The following NFIA variants were observed in gnomAD, a reference collection of about 807,000 sequenced individuals.
The protein encoded by NFIA is nuclear factor I A.
In NFIA, 8 loss-of-function variants were observed where a neutral mutation model predicts 62.8. The observed-to-expected ratio is 0.13, with a 90% CI of 0.07 to 0.23. The LOEUF (loss-of-function observed/expected upper bound fraction) is 0.23. Ranked by LOEUF, NFIA falls within the 10% of genes least tolerant of loss-of-function variation. NFIA has a pLI of 1.00. For synonymous variants in NFIA, 235 were observed against 238.1 expected, an observed-to-expected ratio of 0.99 and a Z score of 0.12; for missense variants, 410 against 642.1, an observed-to-expected ratio of 0.64 and a Z score of 3.91.
chr1:61,451,720 T>C (rs897656025), intron 10 of NFIA, among the ~76,000 whole-genome samples: 2 of 152,196 alleles, frequency 1.3e-5, no homozygotes, highest in Admixed American at 1.3e-4. Flanking sequence ...GTTTACTTAA[T>C]GTAAATGTAT....
chr1:61,203,980 G>A (rs1570374258), intron 2 of NFIA, among the ~76,000 whole-genome samples: 1 of 152,220 alleles, frequency 6.6e-6, no homozygotes, highest in Admixed American at 6.5e-5. Context: ...ATGAGCTGTA[G>A]TTGGTGAATA....
intron 3 of NFIA, among the ~76,000 whole-genome samples, chr1:61,304,835 G>A (rs942683505): frequency 2.0e-5 from 3 of 152,144 alleles, no homozygotes; most frequent in Non-Finnish European, 2.9e-5. Context: ...TACAAAATGA[G>A]GGAAAGTCAT....
At chr1:61,178,299 A>G (rs1269143521) in intron 2 of NFIA, among the ~76,000 whole-genome samples, 1 of 152,196 alleles carries the variant, frequency 6.6e-6, no homozygotes, top group Non-Finnish European at 1.5e-5. Context: ...TAATAGGGGA[A>G]AAAGTTTGTT....
At chr1:61,311,248 G>T (rs1660095418) in intron 3 of NFIA, among the ~76,000 whole-genome samples, 1 of 151,980 alleles carries the variant, frequency 6.6e-6, no homozygotes, top group Non-Finnish European at 1.5e-5. Flanking sequence ...AAAATTATCC[G>T]GGTTTGGTGG....
At chr1:61,401,765 G>A (rs1569774282) in intron 7 of NFIA, among the ~76,000 whole-genome samples, 1 of 151,924 alleles carries the variant, frequency 6.6e-6, no homozygotes, top group African/African-American at 2.4e-5. Context: ...TCTCAGCCTA[G>A]TTTGGGAAAT....
intron 3 of NFIA, among the ~76,000 whole-genome samples, chr1:61,310,853 C>T (rs995897790): frequency 2.8e-5 from 4 of 145,086 alleles, no homozygotes; most frequent in African/African-American, 7.7e-5. Flanking sequence ...ACTTGCTCTG[C>T]GCTTTTGTTG....
In NFIA at chr1:61,235,652, TA is replaced by T. The variant is rs759009832; in HGVS notation, c.560-41854del. Among the ~76,000 whole-genome samples, 1,206 of 137,314 alleles carry T rather than the reference TA, an allele frequency of 8.8e-3. 9 individuals are homozygous for T. The highest frequency in any genetic ancestry group is 0.026 in the African/African-American group (986 of 37,772). The allele number at this position is 137,314 out of a possible 152,430, so 90.1% of individuals were successfully genotyped here. The stretch of plus-strand genomic sequence containing the variant: ...GCAACATAGTGAGACCCCATCTCTT[TA>T]AAAAAAAAAAAAAGCTGGGTGTGGT... On this transcript the variant is annotated intron_variant, in intron 2 of 10. Coordinates refer to ENST00000403491, the MANE Select transcript of NFIA (RefSeq NM_001134673.4).
Position 61,455,512 on chromosome 1 carries a change from G to T in NFIA, c.*192G>T. The T allele has an allele frequency of 1.3e-6, 1 of 747,920 alleles. No homozygotes were observed. Among genetic ancestry groups the T allele is most frequent in the South Asian group, 2.1e-5 (1 of 47,604 alleles). The allele number at this position is 747,920 out of a possible 1,614,324, so 46.3% of individuals were successfully genotyped here. A position where few individuals can be genotyped will look rare whatever the true frequency, so the allele number is the denominator to read the frequency against. The stretch of plus-strand genomic sequence containing the variant: ...AACAGCAAAGGCCATAACCTTTTGG[G>T]ATTTTTTTTTTTTTAAAATACTTTA... On this transcript the variant is annotated 3_prime_UTR_variant, in exon 11 of 11. Coordinates refer to ENST00000403491, the MANE Select transcript of NFIA (RefSeq NM_001134673.4).
intron 2 of NFIA, among the ~76,000 whole-genome samples, chr1:61,184,649 G>A (rs1651028608): frequency 6.6e-6 from 1 of 152,220 alleles, no homozygotes; most frequent in African/African-American, 2.4e-5. Flanking sequence ...GACCAAACAA[G>A]CTAGAAGGAT....
intron 5 of NFIA, among the ~76,000 whole-genome samples, chr1:61,356,036 A>T (rs1662934896): frequency 1.3e-5 from 2 of 152,236 alleles, no homozygotes; most frequent in Admixed American, 6.5e-5. Flanking sequence ...TTAAAAACTC[A>T]GAAAAGTATC....
At chr1:61,118,015 C>T (rs546400139) in intron 2 of NFIA, among the ~76,000 whole-genome samples, 5 of 152,060 alleles carry the variant, frequency 3.3e-5, no homozygotes, top group Non-Finnish European at 7.4e-5. Flanking sequence ...GAAACCCCAT[C>T]TCTACTAAAA....
intron 4 of NFIA, among the ~76,000 whole-genome samples, chr1:61,338,719 A>C (rs576683968): frequency 1.3e-5 from 2 of 152,358 alleles, no homozygotes; most frequent in East Asian, 3.9e-4. Flanking sequence ...GCACAGAAGG[A>C]CTAATGAGGA....
intron 10 of NFIA, among the ~76,000 whole-genome samples, chr1:61,446,738 C>T (rs1667828092): frequency 6.6e-6 from 1 of 152,182 alleles, no homozygotes; most frequent in Non-Finnish European, 1.5e-5. Flanking sequence ...AATAACTGGA[C>T]TTTTTACTTC....
At chr1:61,362,301 G>A (rs1663340571) in intron 6 of NFIA, among the ~76,000 whole-genome samples, 1 of 152,122 alleles carries the variant, frequency 6.6e-6, no homozygotes, top group Non-Finnish European at 1.5e-5. Context: ...TATGTTGGGA[G>A]TTATGTATAT....
rs76509795 is a variant in NFIA, at chr1:61,248,257, A to T, written c.560-29263A>T. 4.1e-3 allele frequency among the ~76,000 whole-genome samples: 631 copies of T among 152,270 alleles called. 3 individuals are homozygous for T. Among genetic ancestry groups the T allele is most frequent in the African/African-American group, 0.014 (593 of 41,544 alleles). ...AAGGGAGAATGCAGTAAAATATGTA[A>T]TATCATGAGTGCAGTTTTTATCTGT... On this transcript the variant is annotated intron_variant, in intron 2 of 10. Transcript: ENST00000403491.
chr1:61,115,467 A>C (rs1399486033), intron 2 of NFIA, among the ~76,000 whole-genome samples: 2 of 152,228 alleles, frequency 1.3e-5, no homozygotes, highest in African/African-American at 2.4e-5. Flanking sequence ...CAGGGAGAGA[A>C]CAGGGTTGAT....
chr1:61,431,021 TTAA>T (rs1428150851), intron 10 of NFIA, among the ~76,000 whole-genome samples: 56 of 152,276 alleles, frequency 3.7e-4, no homozygotes, highest in Admixed American at 2.0e-3. Context: ...ACAGCTGATA[TTAA>T]CATATAGAAA....
chr1:61,437,704 A>T (rs537987028), intron 10 of NFIA, among the ~76,000 whole-genome samples: 1 of 152,330 alleles, frequency 6.6e-6, no homozygotes, highest in Non-Finnish European at 1.5e-5. Context: ...GGGGAGAAGC[A>T]TGGAGCTCAT....
chr1:61,404,085 A>G lies in NFIA; in HGVS notation c.1076-19A>G. ...GCAGGTCTTTCTTTTCATAACCCTGATGTTTTCTTTTCCTGCAGCAAGTCC... is the reference window on the plus strand; with the variant it reads ...GCAGGTCTTTCTTTTCATAACCCTGGTGTTTTCTTTTCCTGCAGCAAGTCC... On this transcript the variant is annotated intron_variant, in intron 7 of 10. Coordinates refer to ENST00000403491, the MANE Select transcript of NFIA (RefSeq NM_001134673.4). 1.2e-6 allele frequency: 2 copies of G among 1,613,358 alleles called. No homozygotes were observed. Among genetic ancestry groups the G allele is most frequent in the South Asian group, 2.2e-5 (2 of 90,984 alleles).
Sources: gnomAD v4.1 joint callset for allele counts (sites outside exome capture counted in the v4.1 genomes callset) on GRCh38, gnomAD v4.1.1 for gene constraint, MANE v1.5 for transcripts, NCBI Gene and HGNC (gene_info 2026-07-23, HGNC 2026-07-21) for gene names.